Variants in COL13A1 observed in about 807,000 individuals in gnomAD.
COL13A1 encodes collagen type XIII alpha 1 chain.
Under a neutral mutation model 130.9 loss-of-function variants are expected in COL13A1, and 89 were observed. The ratio of observed to expected loss-of-function variants is 0.68; its 90% CI spans 0.57 to 0.81. The LOEUF (loss-of-function observed/expected upper bound fraction) is 0.81, where lower values mean the gene tolerates loss of function less well. COL13A1 is among the 30% of genes least tolerant of loss of function. The pLI is 0.00. For missense variants in COL13A1, 879 were observed against 934.6 expected (o/e 0.94, Z 0.78); for synonymous variants, 402 against 341.6 (o/e 1.18, Z -1.95).
chr10:69,913,336 G>T (rs1432830757), intron 17 of COL13A1, among the ~76,000 whole-genome samples: 1 of 152,226 alleles, frequency 6.6e-6, no homozygotes, highest in Non-Finnish European at 1.5e-5. Context: ...GGAGACAAGA[G>T]GGGGCAGAGA....
At chr10:69,957,173 G>T (rs944788637) in intron 40 of COL13A1, 131 bp downstream of exon 40, 1 of 761,134 alleles carries the variant, frequency 1.3e-6, no homozygotes. Flanking sequence ...CTCAAAGGCA[G>T]GGTGCCCATT....
chr10:69,864,451 A>C (rs2133905200), intron 2 of COL13A1, among the ~76,000 whole-genome samples: 1 of 152,324 alleles, frequency 6.6e-6, no homozygotes, highest in East Asian at 1.9e-4. Context: ...TTGGCTTCTC[A>C]GCGGGAGGAA....
intron 4 of COL13A1, 62 bp downstream of exon 4, chr10:69,872,272 G>A: frequency 1.3e-6 from 2 of 1,596,812 alleles, no homozygotes; most frequent in Admixed American, 1.7e-5. Flanking sequence ...TCAGTCTGAG[G>A]ACTGGCTAGG....
intron 1 of COL13A1, among the ~76,000 whole-genome samples, chr10:69,821,262 G>A (rs1228286632): frequency 1.3e-5 from 2 of 152,172 alleles, no homozygotes; most frequent in Admixed American, 6.5e-5. Flanking sequence ...ATGATTTAAA[G>A]CTCACTGTGG....
chr10:69,844,469 G>A (rs923627368), intron 2 of COL13A1, among the ~76,000 whole-genome samples: 2 of 152,180 alleles, frequency 1.3e-5, no homozygotes, highest in African/African-American at 2.4e-5. Context: ...TGCTTCCATC[G>A]CAAACATAAG....
intron 35 of COL13A1, 68 bp from the exon 36 acceptor site, chr10:69,944,057 T>A: frequency 7.4e-7 from 1 of 1,348,078 alleles, no homozygotes; most frequent in Non-Finnish European, 1.1e-6. Context: ...TCTCTAGGCA[T>A]CAGGTGGGGC....
chr10:69,814,856 A>G (rs1242472692), intron 1 of COL13A1, among the ~76,000 whole-genome samples: 2 of 152,276 alleles, frequency 1.3e-5, no homozygotes, highest in Non-Finnish European at 2.9e-5. Context: ...AATAGGAGGC[A>G]TGCACTAATA....
intron 2 of COL13A1, among the ~76,000 whole-genome samples, chr10:69,850,829 G>T (rs535864961): frequency 6.6e-6 from 1 of 152,394 alleles, no homozygotes; most frequent in Admixed American, 6.5e-5. Flanking sequence ...CTGGAACGGG[G>T]ATGGCCCCTC....
chr10:69,915,399 G>C (rs114264066), intron 17 of COL13A1, among the ~76,000 whole-genome samples: 1 of 152,316 alleles, frequency 6.6e-6, no homozygotes, highest in East Asian at 1.9e-4. Context: ...AGGGGTCACT[G>C]GTGGGGTCAT....
chr10:69,867,158 A>G (rs2058604934), intron 2 of COL13A1, among the ~76,000 whole-genome samples: 1 of 152,088 alleles, frequency 6.6e-6, no homozygotes, highest in South Asian at 2.1e-4. Flanking sequence ...TGGACACCAG[A>G]AAGAGAAAGG....
intron 2 of COL13A1, among the ~76,000 whole-genome samples, chr10:69,835,441 C>A (rs1849797370): frequency 6.6e-6 from 1 of 152,130 alleles, no homozygotes; most frequent in South Asian, 2.1e-4. Context: ...CTTGTCATAA[C>A]CCAGCCAGCC....
Position 69,923,835 on chromosome 10 carries a change from C to G in COL13A1, c.1264C>G (p.Pro422Ala), listed in dbSNP as rs1285229509. ...EAGVDGQVGP[P>A]GQPGDKGERG... is the part of the protein sequence containing the mutation. ...AGGTGTCGATGGCCAGGTTGGCCCC[C>G]CAGGGCAGCCAGGAGACAAGGTACA... Residue 422 changes from proline (P) to alanine (A), a missense_variant, in exon 24 of 41, where the codon CCA becomes GCA. Pro to Ala is a conservative substitution (Grantham distance 27). Transcript: ENST00000645393. 3.1e-6 allele frequency: 5 copies of G among 1,611,778 alleles called. No homozygotes were observed. Among genetic ancestry groups the G allele is most frequent in the Non-Finnish European group, 4.2e-6 (5 of 1,179,162 alleles).
intron 13 of COL13A1, among the ~76,000 whole-genome samples, chr10:69,897,232 G>A (rs1197984839): frequency 3.9e-5 from 6 of 152,196 alleles, no homozygotes; most frequent in Admixed American, 3.3e-4. Flanking sequence ...TTATTTAGAA[G>A]AGGGTAGAAA....
intron 37 of COL13A1, among the ~76,000 whole-genome samples, chr10:69,946,388 G>A (rs897614196): frequency 2.0e-5 from 3 of 152,364 alleles, no homozygotes; most frequent in Admixed American, 6.5e-5. Context: ...CTTCATGAGC[G>A]GAGCAGCTGG....
At chr10:69,926,469 T>TG (rs1377396227) in intron 26 of COL13A1, among the ~76,000 whole-genome samples, 1 of 152,214 alleles carries the variant, frequency 6.6e-6, no homozygotes, top group Non-Finnish European at 1.5e-5. Context: ...GCCTCAGCTG[T>TG]GACAACCAAA....
chr10:69,956,255 G>C (rs2070664831), intron 39 of COL13A1: 1 of 152,288 alleles, frequency 6.6e-6, no homozygotes, highest in South Asian at 2.1e-4. Flanking sequence ...ACTCAGGAAA[G>C]TTTCTATCAC....
At chr10:69,953,121 C>T (rs533504568) in intron 39 of COL13A1, among the ~76,000 whole-genome samples, 153 bp downstream of exon 39, 1 of 152,324 alleles carries the variant, frequency 6.6e-6, no homozygotes, top group South Asian at 2.1e-4. Flanking sequence ...GAAATTCTGC[C>T]CGCTGTTGGA....
chr10:69,824,139 T>G (rs1326889700), intron 2 of COL13A1: 5 of 472,324 alleles, frequency 1.1e-5, no homozygotes, highest in Non-Finnish European at 2.2e-5. Context: ...GTGCCTCAGT[T>G]GCCTTGTCTG....
In COL13A1 at chr10:69,802,668, A is replaced by C. The variant is rs775715345; in HGVS notation, c.245A>C (p.Gln82Pro). The C allele has an allele frequency of 6.8e-6, 11 of 1,613,502 alleles. No homozygotes were observed. The highest frequency in any genetic ancestry group is 1.1e-5 in the South Asian group (1 of 91,086). Residue 82 changes from glutamine to proline, a missense_variant, in exon 1 of 41, where the codon CAG (glutamine) becomes CCG (proline). This residue lies in a region of COL13A1 where 715 missense variants were observed against 721.0 expected (regional missense o/e 0.99). Transcript: ENST00000645393. Reference sequence around the variant, plus strand: ...CGCCTGGAAGCGGAGCGCGGGGAGCAGCAAATGGAGACGGCTATTTTGGGA... The same window carrying C: ...CGCCTGGAAGCGGAGCGCGGGGAGCCGCAAATGGAGACGGCTATTTTGGGA... ...VLRLEAERGEQQMETAILGRV... is the reference protein window; with the variant it reads ...VLRLEAERGEPQMETAILGRV...
Sources: gnomAD v4.1 joint callset for allele counts (sites outside exome capture counted in the v4.1 genomes callset) on GRCh38, gnomAD v4.1.1 for gene constraint, gnomAD v4.1.1 regional missense constraint, MANE v1.5 for transcripts, NCBI Gene and HGNC (gene_info 2026-07-23, HGNC 2026-07-21) for gene names.